Variants in KIF20B observed in about 807,000 individuals in gnomAD.
KIF20B encodes kinesin-like protein KIF20B.
In KIF20B, 188 loss-of-function variants were observed where a neutral mutation model predicts 232.5. That is an observed-to-expected ratio of 0.81 (90% confidence interval 0.72 to 0.91). KIF20B has a LOEUF of 0.91. KIF20B is among the 40% of genes least tolerant of loss of function. KIF20B has a pLI of 0.00. For missense variants in KIF20B, 2,154 were observed against 2,055.9 expected (o/e 1.05, Z -0.92); for synonymous variants, 712 against 683.0 (o/e 1.04, Z -0.66).
chr10:89,704,046 C>T (rs72818758), intron 1 of KIF20B, among the ~76,000 whole-genome samples: 27,096 of 152,074 alleles, frequency 0.18, 2,741 homozygotes, highest in Non-Finnish European at 0.23. Flanking sequence ...CCACTGCGCC[C>T]GGCCGTAGGC....
intron 29 of KIF20B, among the ~76,000 whole-genome samples, chr10:89,765,829 C>T (rs1486864697): frequency 6.6e-6 from 1 of 152,044 alleles, no homozygotes; most frequent in Admixed American, 6.6e-5. Context: ...GAATATTGGC[C>T]CCCACTCTCT....
At chr10:89,707,343 C>T (rs1842745168) in intron 2 of KIF20B, among the ~76,000 whole-genome samples, 1 of 152,128 alleles carries the variant, frequency 6.6e-6, no homozygotes, top group African/African-American at 2.4e-5. Context: ...CCCATCACAC[C>T]TCCAAGTAAC....
At chr10:89,724,748 C>G (rs941649054) in intron 14 of KIF20B, among the ~76,000 whole-genome samples, 1 of 152,044 alleles carries the variant, frequency 6.6e-6, no homozygotes, top group Non-Finnish European at 1.5e-5. Flanking sequence ...TCCTGAGTAG[C>G]TGGGATTACA....
intron 1 of KIF20B, among the ~76,000 whole-genome samples, chr10:89,704,537 A>AT (rs1842682376): frequency 6.7e-6 from 1 of 149,774 alleles, no homozygotes; most frequent in African/African-American, 2.5e-5. Context: ...ATTGAAAACA[A>AT]TTTTTCAGAT....
At position 89,762,808 on chromosome 10, in the gene KIF20B, G is replaced by A; in HGVS notation, c.4962G>A (p.Arg1654=). The change falls in exon 29 of 33, where the codon CGG becomes CGA. Residue 1654 remains arginine (R), a synonymous_variant. Transcript: ENST00000371728. Reference sequence around the variant, plus strand: ...TGACAGTTAAGATTCCCAAGGCTCGGAAGAGGAAGAGTAATGAAATGGAGG... The same window carrying A: ...TGACAGTTAAGATTCCCAAGGCTCGAAAGAGGAAGAGTAATGAAATGGAGG... ...TPVTVKIPKA[R]KRKSNEMEED... is the part of the protein sequence containing the mutation. 6.2e-7 allele frequency: 1 copy of A among 1,611,904 alleles called. No homozygotes were observed.
chr10:89,717,829 T>C (rs1842966092), intron 11 of KIF20B, 107 bp downstream of exon 11: 3 of 664,960 alleles, frequency 4.5e-6, no homozygotes, highest in Non-Finnish European at 7.5e-6. Context: ...CTGCTTCTTA[T>C]GTAATGACTG....
At chr10:89,725,728 T>G (rs981426819) in intron 15 of KIF20B, among the ~76,000 whole-genome samples, 1 of 152,224 alleles carries the variant, frequency 6.6e-6, no homozygotes, top group Non-Finnish European at 1.5e-5. Context: ...TGCACGCCAC[T>G]GTGCTCAGCT....
Position 89,772,833 on chromosome 10 carries a change from T to C in KIF20B, c.5385+2T>C. 1 of 1,600,614 alleles carries C rather than the reference T, an allele frequency of 6.2e-7. No individual in the cohort carries two copies. Among genetic ancestry groups the C allele is most frequent in the Non-Finnish European group, 8.5e-7 (1 of 1,174,980 alleles). ...CCTATTGATATATCAGGCCAAGTGG[T>C]AAGCTAGTATTTCTGTTTTCATCAA... On this transcript the variant is annotated splice_donor_variant, in intron 32 of 32. Transcript: ENST00000371728. LOFTEE classifies it high-confidence loss of function.
At chr10:89,745,480 G>A (rs983405682) in intron 22 of KIF20B, among the ~76,000 whole-genome samples, 14 of 152,120 alleles carry the variant, frequency 9.2e-5, no homozygotes, top group Admixed American at 9.2e-4. Context: ...CCAAGATTGC[G>A]CCACTGCGCT....
Position 89,705,536 on chromosome 10 carries a change from A to G in KIF20B, c.147+95A>G, listed in dbSNP as rs1171608436. Reference sequence around the variant, plus strand: ...CTGTTTTTGTATTACCTGTTTTTGTACTTAGATACAAGCTAAGAATTGTTT... The same window carrying G: ...CTGTTTTTGTATTACCTGTTTTTGTGCTTAGATACAAGCTAAGAATTGTTT... On this transcript the variant is annotated intron_variant, in intron 2 of 32. Coordinates refer to ENST00000371728, the MANE Select transcript of KIF20B (RefSeq NM_001284259.2). 4 of 1,050,586 alleles carry G rather than the reference A, an allele frequency of 3.8e-6. No individual in the cohort carries two copies. The Admixed American group carries it at 7.9e-5, about 21-fold the overall frequency. 65.1% of individuals were successfully genotyped at this position (1,050,586 alleles called of 1,614,324 possible).
At chr10:89,722,377 A>G (rs1329014061) in intron 13 of KIF20B, among the ~76,000 whole-genome samples, 2 of 152,196 alleles carry the variant, frequency 1.3e-5, no homozygotes, top group African/African-American at 4.8e-5. Flanking sequence ...ATTGAAAACT[A>G]TTAAACTTCC....
In KIF20B at chr10:89,709,475, G is replaced by GT; in HGVS notation, c.351+19dup. 2 of 1,549,646 alleles carry GT rather than the reference G, an allele frequency of 1.3e-6. No homozygotes were observed. The highest frequency in any genetic ancestry group is 1.8e-6 in the Non-Finnish European group (2 of 1,124,266). On this transcript the variant is annotated intron_variant, in intron 4 of 32. Coordinates refer to ENST00000371728, the MANE Select transcript of KIF20B (RefSeq NM_001284259.2). ...AGTTTTTCCAAGGTAAAACTGAAGT[G>GT]TTTTTGTTTTTTGTTTTAAAGATAA...
chr10:89,773,105 C>G (rs1842498913), intron 32 of KIF20B, among the ~76,000 whole-genome samples: 1 of 151,976 alleles, frequency 6.6e-6, no homozygotes, highest in Admixed American at 6.6e-5. Context: ...CCTCCACAAT[C>G]TTTTTTTCTT....
Position 89,732,516 on chromosome 10 carries a change from C to G in KIF20B, c.2392-387C>G, listed in dbSNP as rs189375762. Among the ~76,000 whole-genome samples the G allele has an allele frequency of 2.6e-5, 4 of 151,532 alleles. No homozygotes were observed. In the East Asian group the frequency reaches 7.7e-4, roughly 29 times the overall value. On this transcript the variant is annotated intron_variant, in intron 18 of 32. Coordinates refer to ENST00000371728, the MANE Select transcript of KIF20B (RefSeq NM_001284259.2). ...GCTCAGTTTCAAAGCTGTCTGTAGG[C>G]TGTATATCTTTGAATATATATCGAC...
At chr10:89,751,509 T>C (rs926976809) in intron 24 of KIF20B, 38 bp downstream of exon 24, 2 of 1,560,110 alleles carry the variant, frequency 1.3e-6, no homozygotes, top group Non-Finnish European at 1.7e-6. Context: ...AAATATACTT[T>C]TTCATTTAAA....
chr10:89,743,020 G>C (rs916189120), intron 21 of KIF20B, among the ~76,000 whole-genome samples: 3 of 151,954 alleles, frequency 2.0e-5, no homozygotes, highest in Non-Finnish European at 4.4e-5. Flanking sequence ...CTTTTTATGG[G>C]GCATCTTTTC....
At chr10:89,711,265 A>G (rs1842832795) in intron 6 of KIF20B, 120 bp downstream of exon 6, 1 of 553,206 alleles carries the variant, frequency 1.8e-6, no homozygotes, top group Non-Finnish European at 2.9e-6. Context: ...GTTATTATTT[A>G]TGTTTTCGAG....
rs773503670 is a variant in KIF20B, at chr10:89,732,916, C to T, written c.2405C>T (p.Thr802Ile). The T allele has an allele frequency of 2.6e-5, 41 of 1,596,480 alleles. No homozygotes were observed. Among genetic ancestry groups the T allele is most frequent in the Non-Finnish European group, 2.2e-5 (26 of 1,170,706 alleles). Reference protein sequence around the residue: ...NTFKCNDKADTSSLIINNKLI... With the variant: ...NTFKCNDKADISSLIINNKLI... ...ATTTTGCTTTAGGACAAGGCTGATA[C>T]ATCTTCTTTAATAATAAACAATAAA... The change falls in exon 19 of 33, where the codon ACA (threonine) becomes ATA (isoleucine). Residue 802 changes from threonine (T) to isoleucine (I), a missense_variant. By Grantham distance (89) the Thr-to-Ile change is moderately conservative. Coordinates refer to ENST00000371728, the MANE Select transcript of KIF20B (RefSeq NM_001284259.2).
At chr10:89,715,873 C>T (rs1355078643) in intron 8 of KIF20B, among the ~76,000 whole-genome samples, 3 of 147,650 alleles carry the variant, frequency 2.0e-5, no homozygotes, top group Non-Finnish European at 4.6e-5. Flanking sequence ...CATCTGTAGT[C>T]CCAGCTACTC....
Sources: allele counts gnomAD v4.1 joint callset (sites outside exome capture counted in the v4.1 genomes callset), GRCh38; gene constraint gnomAD v4.1.1; transcripts MANE v1.5; gene names NCBI Gene and HGNC (gene_info 2026-07-23, HGNC 2026-07-21).